OSBPL10: variants seen among roughly 807,000 people sequenced by gnomAD.
OSBPL10 encodes oxysterol-binding protein-related protein 10.
In OSBPL10, 49 loss-of-function variants were observed where a neutral mutation model predicts 81.7. The ratio of observed to expected loss-of-function variants is 0.60; its 90% confidence interval spans 0.48 to 0.76. The LOEUF (loss-of-function observed/expected upper bound fraction) is 0.76, where lower values mean the gene tolerates loss of function less well. Ranked by LOEUF, OSBPL10 falls within the 30% of genes least tolerant of loss-of-function variation. The probability of loss-of-function intolerance (pLI) is 0.00; values close to 1 mark genes in which losing one functional copy is unlikely to be tolerated. For missense variants in OSBPL10, 923 were observed against 987.8 expected (o/e 0.93, Z 0.88); for synonymous variants, 419 against 383.6 (o/e 1.09, Z -1.08).
intron 4 of OSBPL10, among the ~76,000 whole-genome samples, chr3:31,826,699 G>A (rs1575569570): frequency 6.6e-6 from 1 of 152,162 alleles, no homozygotes; most frequent in Non-Finnish European, 1.5e-5. Context: ...AAATACAGTG[G>A]AACCTTAAAG....
chr3:31,784,785 G>A (rs1275411000), intron 4 of OSBPL10, among the ~76,000 whole-genome samples: 4 of 150,084 alleles, frequency 2.7e-5, no homozygotes, highest in Admixed American at 1.3e-4. Flanking sequence ...GTTCCACCAC[G>A]TTGGCCAGGC....
At chr3:32,047,325 C>T (rs1162876803) in intron 1 of OSBPL10, among the ~76,000 whole-genome samples, 5 of 152,052 alleles carry the variant, frequency 3.3e-5, no homozygotes, top group Non-Finnish European at 5.9e-5. Flanking sequence ...ATGGCTACTC[C>T]GTAGACAGAG....
intron 4 of OSBPL10, among the ~76,000 whole-genome samples, chr3:31,827,578 C>G (rs1396244090): frequency 6.6e-6 from 1 of 151,686 alleles, no homozygotes; most frequent in East Asian, 1.9e-4. Context: ...AGAGCTTGCA[C>G]TGAGCTGAGA....
chr3:31,766,338 TTTTTTTTTG>T (rs1559455372), intron 4 of OSBPL10, among the ~76,000 whole-genome samples: 11 of 20,578 alleles, frequency 5.3e-4, no homozygotes, highest in Non-Finnish European at 9.8e-4. Context: ...TGTTTTTTTG[TTTTTTTTTG>T]TTTTTTTTTT....
intron 2 of OSBPL10, among the ~76,000 whole-genome samples, chr3:31,878,056 A>T (rs1237049090): frequency 6.6e-6 from 1 of 152,214 alleles, no homozygotes; most frequent in Non-Finnish European, 1.5e-5. Flanking sequence ...AAACATGCAG[A>T]AATTTATCCT....
chr3:31,671,034 A>G, intron 8 of OSBPL10, 51 bp from the exon 9 acceptor site: 1 of 1,485,650 alleles, frequency 6.7e-7, no homozygotes, highest in Admixed American at 2.2e-5. Context: ...TGAAGAGGGC[A>G]CTGGGGATCA....
chr3:31,901,983 T>C (rs1696255892), intron 1 of OSBPL10, among the ~76,000 whole-genome samples: 1 of 152,026 alleles, frequency 6.6e-6, no homozygotes, highest in African/African-American at 2.4e-5. Context: ...TGAGCCAAGA[T>C]TGCACCACTG....
intron 2 of OSBPL10, among the ~76,000 whole-genome samples, chr3:32,029,496 G>A (rs960607131): frequency 6.6e-6 from 1 of 152,074 alleles, no homozygotes; most frequent in Non-Finnish European, 1.5e-5. Flanking sequence ...TTCTTCTGAG[G>A]AGGCAAGAAT....
intron 1 of OSBPL10, among the ~76,000 whole-genome samples, chr3:32,063,790 C>A (rs1287476770): frequency 2.2e-5 from 2 of 92,680 alleles, no homozygotes; most frequent in African/African-American, 5.6e-5. Flanking sequence ...CCTGCTGCCA[C>A]GTAAGACGTG....
At chr3:31,797,557 G>A (rs1699262802) in intron 4 of OSBPL10, among the ~76,000 whole-genome samples, 2 of 152,122 alleles carry the variant, frequency 1.3e-5, no homozygotes, top group Admixed American at 1.3e-4. Context: ...AAGGGCCCAG[G>A]AGAGAAAAAT....
chr3:31,882,850 T>C (rs1341202983), intron 1 of OSBPL10, among the ~76,000 whole-genome samples: 1 of 152,222 alleles, frequency 6.6e-6, no homozygotes, highest in Non-Finnish European at 1.5e-5. Flanking sequence ...TTATAGCAGC[T>C]GCTAGCCTTA....
intron 2 of OSBPL10, among the ~76,000 whole-genome samples, chr3:32,029,195 C>T (rs1234288145): frequency 6.6e-6 from 1 of 152,124 alleles, no homozygotes; most frequent in East Asian, 1.9e-4. Context: ...AGTATGCCAA[C>T]ATATAAAACC....
chr3:32,041,759 G>T (rs1179614688), intron 2 of OSBPL10, among the ~76,000 whole-genome samples: 1 of 152,096 alleles, frequency 6.6e-6, no homozygotes, highest in Non-Finnish European at 1.5e-5. Context: ...CCAGGTTCCA[G>T]CAATTCTCCT....
intron 1 of OSBPL10, among the ~76,000 whole-genome samples, chr3:31,898,006 C>CAAAAAAAAAAAAAAAAA (rs58479197): frequency 1.1e-4 from 7 of 62,480 alleles, no homozygotes; most frequent in East Asian, 5.6e-4. Context: ...AGAACTCTGT[C>CAAAAAAAAAAAAAAAAA]AAAAAAAAAA....
At chr3:31,752,459 T>C (rs865899800) in intron 4 of OSBPL10, among the ~76,000 whole-genome samples, 8 of 152,176 alleles carry the variant, frequency 5.3e-5, no homozygotes, top group African/African-American at 9.7e-5. Flanking sequence ...GTAAAAGAGA[T>C]GAAACGTAGG....
chr3:31,869,302 C>A (rs1227810004), intron 3 of OSBPL10, among the ~76,000 whole-genome samples: 1 of 152,100 alleles, frequency 6.6e-6, no homozygotes, highest in Non-Finnish European at 1.5e-5. Flanking sequence ...CACTCTGAAC[C>A]CCACAATATC....
chr3:31,908,711 G>A (rs1423574117), intron 1 of OSBPL10, among the ~76,000 whole-genome samples: 2 of 152,126 alleles, frequency 1.3e-5, no homozygotes, highest in Non-Finnish European at 2.9e-5. Flanking sequence ...TGATTCCCTG[G>A]GTTGTGTCGG....
intron 1 of OSBPL10, among the ~76,000 whole-genome samples, chr3:32,068,634 C>A (rs968556789): frequency 6.6e-6 from 1 of 151,962 alleles, no homozygotes; most frequent in African/African-American, 2.4e-5. Flanking sequence ...GGCCAGAAAA[C>A]GGCACTTTTG....
intron 4 of OSBPL10, among the ~76,000 whole-genome samples, chr3:31,815,500 T>C (rs1699814291): frequency 6.6e-6 from 1 of 152,192 alleles, no homozygotes; most frequent in Admixed American, 6.5e-5. Flanking sequence ...ATAAGAAATG[T>C]TAATGGTCCT....
Sources: gnomAD v4.1 joint callset for allele counts (sites outside exome capture counted in the v4.1 genomes callset) on GRCh38, gnomAD v4.1.1 for gene constraint, MANE v1.5 for transcripts, NCBI Gene and HGNC (gene_info 2026-07-23, HGNC 2026-07-21) for gene names.